The following TRMT11 variants were observed in gnomAD, a reference collection of about 807,000 sequenced individuals.
The protein encoded by TRMT11 is tRNA methyltransferase 11, also known as tRNA (guanine(10)-N(2))-methyltransferase TRMT11.
A neutral mutation model predicts 62.8 loss-of-function variants in TRMT11; 53 were observed. The ratio of observed to expected loss-of-function variants is 0.84; its 90% CI spans 0.68 to 1.06. The LOEUF is 1.06. TRMT11 is among the 50% of genes least tolerant of loss of function. The pLI, the probability that TRMT11 is intolerant of heterozygous loss-of-function variation, is 0.00. For synonymous variants in TRMT11, 188 were observed against 190.3 expected (o/e 0.99, Z 0.10); for missense variants, 556 against 553.4 (o/e 1.00, Z -0.05).
intron 17 of TRMT11, among the ~76,000 whole-genome samples, chr6:126,073,222 G>C (rs1175517781): frequency 6.6e-6 from 1 of 152,090 alleles, no homozygotes; most frequent in African/African-American, 2.4e-5. Context: ...GATACACTGT[G>C]GGCCCAAGTT....
chr6:126,058,119 C>T (rs989174453), intron 17 of TRMT11, among the ~76,000 whole-genome samples: 12 of 152,082 alleles, frequency 7.9e-5, no homozygotes, highest in Non-Finnish European at 1.3e-4. Flanking sequence ...CCCCACCTCC[C>T]GACAGGCCCC....
the TRMT11 span, among the ~76,000 whole-genome samples, chr6:126,212,625 T>C: frequency 6.6e-6 from 1 of 152,136 alleles, no homozygotes; most frequent in Non-Finnish European, 1.5e-5. Flanking sequence ...TTGATCAGAC[T>C]ATTAGTTTTT....
chr6:125,991,245 C>CAA (rs748622094), intron 1 of TRMT11, among the ~76,000 whole-genome samples: 128 of 131,368 alleles, frequency 9.7e-4, no homozygotes, highest in Middle Eastern at 4.3e-3. Context: ...GACTCCATCT[C>CAA]AAAAAAAAAA....
At chr6:126,216,968 A>G in the TRMT11 span, among the ~76,000 whole-genome samples, 18 of 152,234 alleles carry the variant, frequency 1.2e-4, 1 homozygote, top group African/African-American at 4.1e-4. Context: ...GTATTTTCAA[A>G]TAGCCTATCA....
upstream of TRMT11, among the ~76,000 whole-genome samples, chr6:126,173,708 TA>T (rs1778354889): frequency 6.6e-6 from 1 of 152,186 alleles, no homozygotes; most frequent in South Asian, 2.1e-4. Flanking sequence ...CAAAGGAACT[TA>T]GCATCCTTCA....
chr6:126,118,940 C>T (rs1777618044), intron 21 of TRMT11, among the ~76,000 whole-genome samples: 1 of 152,074 alleles, frequency 6.6e-6, no homozygotes, highest in Admixed American at 6.6e-5. Context: ...ATTTAGGCTG[C>T]CAAATCTCTT....
the TRMT11 span, among the ~76,000 whole-genome samples, chr6:126,249,339 T>C: frequency 6.6e-6 from 1 of 151,964 alleles, no homozygotes; most frequent in African/African-American, 2.4e-5. Flanking sequence ...CCTCTATTCA[T>C]TATTTATGTG....
In TRMT11 at chr6:126,093,623, A is replaced by ATTTTT. The variant is rs1301464523; in HGVS notation, c.*1438-19242_*1438-19241insTTTTT. ...TATATATATATATATATATATATAT[A>ATTTTT]TATATATATTTTCCCCCAGTCCTGG... On this transcript the variant is annotated intron_variant and NMD_transcript_variant, in intron 17 of 22. Coordinates refer to the TRMT11 transcript ENST00000648977. 3.4e-4 allele frequency among the ~76,000 whole-genome samples: 34 copies of ATTTTT among 101,178 alleles called. 2 individuals carry two copies. Among genetic ancestry groups the ATTTTT allele is most frequent in the African/African-American group, 1.6e-3 (29 of 18,436 alleles). 66.4% of individuals were successfully genotyped at this position (101,178 alleles called of 152,430 possible). A position where few individuals can be genotyped will look rare whatever the true frequency, so the allele number is the denominator to read the frequency against.
the TRMT11 span, among the ~76,000 whole-genome samples, chr6:126,210,902 G>C: frequency 6.6e-6 from 1 of 151,346 alleles, no homozygotes; most frequent in Non-Finnish European, 1.5e-5. Flanking sequence ...CTTCAGTCTG[G>C]TTTACTCATC....
the TRMT11 span, among the ~76,000 whole-genome samples, chr6:126,266,403 A>C: frequency 6.6e-6 from 1 of 152,174 alleles, no homozygotes; most frequent in East Asian, 1.9e-4. Context: ...TTAAGGCTTT[A>C]GTGTTCAACA....
the TRMT11 span, among the ~76,000 whole-genome samples, chr6:126,267,753 A>T: frequency 1.3e-5 from 2 of 152,152 alleles, no homozygotes; most frequent in Non-Finnish European, 2.9e-5. Context: ...AGATATTTCA[A>T]GGTGCTTTGC....
At chr6:125,988,732 T>TA (rs1309422794) in intron 1 of TRMT11, among the ~76,000 whole-genome samples, 1 of 152,142 alleles carries the variant, frequency 6.6e-6, no homozygotes, top group Non-Finnish European at 1.5e-5. Flanking sequence ...GCATAGGTAT[T>TA]AGAGCAATGC....
chr6:126,157,236 G>A (rs1005145138), intron 21 of TRMT11, among the ~76,000 whole-genome samples: 4 of 152,086 alleles, frequency 2.6e-5, no homozygotes, highest in African/African-American at 9.7e-5. Context: ...CATAGAAATG[G>A]CTTTTCATTT....
intron 17 of TRMT11, among the ~76,000 whole-genome samples, chr6:126,101,332 C>T (rs533802775): frequency 6.6e-6 from 1 of 152,226 alleles, no homozygotes; most frequent in South Asian, 2.1e-4. Flanking sequence ...ATATATATTC[C>T]ACTTGCAAAA....
intron 17 of TRMT11, among the ~76,000 whole-genome samples, chr6:126,102,509 T>A (rs1055051091): frequency 7.7e-6 from 1 of 130,470 alleles, no homozygotes; most frequent in African/African-American, 3.6e-5. Flanking sequence ...TTGGACCTGG[T>A]GAGAGTTAAG....
the TRMT11 span, among the ~76,000 whole-genome samples, chr6:126,218,435 G>A: frequency 6.6e-6 from 1 of 152,338 alleles, no homozygotes. Flanking sequence ...TAGTCAGCAG[G>A]TGTTGAATCC....
chr6:126,038,925 G>A lies in TRMT11; in HGVS notation c.*89G>A. Reference sequence around the variant, plus strand: ...ACTTTCATGTATGATCCAGAAAATAGGTACGGTTTTAAAATATTTTATATA... The same window carrying A: ...ACTTTCATGTATGATCCAGAAAATAAGTACGGTTTTAAAATATTTTATATA... On this transcript the variant is annotated 3_prime_UTR_variant, in exon 13 of 13. Transcript: ENST00000334379. The A allele has an allele frequency of 3.7e-6, 4 of 1,075,346 alleles. No individual in the cohort carries two copies. Among genetic ancestry groups the A allele is most frequent in the Non-Finnish European group, 5.2e-6 (4 of 762,852 alleles). The allele number at this position is 1,075,346 out of a possible 1,614,324, so 66.6% of individuals were successfully genotyped here.
At chr6:126,160,709 G>A (rs376215969) in intron 21 of TRMT11, among the ~76,000 whole-genome samples, 154 of 152,116 alleles carry the variant, frequency 1.0e-3, no homozygotes, top group African/African-American at 3.6e-3. Flanking sequence ...CAGACATGAC[G>A]AGACCTGTTT....
chr6:126,180,819 T>C (rs2128240808), intron 1 of TRMT11, among the ~76,000 whole-genome samples: 2 of 152,342 alleles, frequency 1.3e-5, no homozygotes, highest in South Asian at 4.1e-4. Context: ...TCTGTCCTAT[T>C]GTCTTTTCAT....
Sources: allele counts gnomAD v4.1 joint callset (sites outside exome capture counted in the v4.1 genomes callset), GRCh38; gene constraint gnomAD v4.1.1; transcripts MANE v1.5; gene names NCBI Gene and HGNC (gene_info 2026-07-23, HGNC 2026-07-21).